Variants in UNC5C observed in about 807,000 individuals in gnomAD.
The protein encoded by UNC5C is unc-5 netrin receptor C.
A neutral mutation model predicts 99.8 loss-of-function variants in UNC5C; 47 were observed. The ratio of observed to expected loss-of-function variants is 0.47; its 90% CI spans 0.37 to 0.60. The LOEUF (loss-of-function observed/expected upper bound fraction) is 0.60. UNC5C is among the 20% of genes least tolerant of loss of function. The pLI is 0.00. For synonymous variants in UNC5C, 487 were observed against 452.2 expected (o/e 1.08, Z -0.98); for missense variants, 1,062 against 1,165.9 (o/e 0.91, Z 1.30).
chr4:95,473,962 T>C (rs1468820276), intron 1 of UNC5C, among the ~76,000 whole-genome samples: 4 of 152,110 alleles, frequency 2.6e-5, no homozygotes, highest in Non-Finnish European at 4.4e-5. Flanking sequence ...TAAGCTATAA[T>C]CACAAAACAT....
intron 1 of UNC5C, among the ~76,000 whole-genome samples, chr4:95,447,507 T>A (rs956556190): frequency 9.8e-5 from 15 of 152,332 alleles, no homozygotes; most frequent in South Asian, 4.1e-4. Flanking sequence ...TTATTTATTT[T>A]TTTATTTATT....
At chr4:95,221,813 AT>A (rs1360226845) in intron 7 of UNC5C, among the ~76,000 whole-genome samples, 1 of 152,200 alleles carries the variant, frequency 6.6e-6, no homozygotes, top group Admixed American at 6.5e-5. Flanking sequence ...TGGTCAGAAT[AT>A]TATATCTAAA....
intron 2 of UNC5C, among the ~76,000 whole-genome samples, chr4:95,324,565 G>A (rs960988644): frequency 1.3e-5 from 2 of 152,068 alleles, no homozygotes; most frequent in African/African-American, 2.4e-5. Context: ...AAAAGGTTGG[G>A]GACTGTTGTG....
chr4:95,220,655 C>T (rs1738437920), intron 7 of UNC5C, among the ~76,000 whole-genome samples: 3 of 152,128 alleles, frequency 2.0e-5, no homozygotes, highest in Admixed American at 6.5e-5. Flanking sequence ...AATGACTTTC[C>T]ATAGCACTCT....
chr4:95,456,048 C>T (rs1747416589), intron 1 of UNC5C, among the ~76,000 whole-genome samples: 1 of 151,956 alleles, frequency 6.6e-6, no homozygotes, highest in African/African-American at 2.4e-5. Context: ...CTGTGAGTGA[C>T]ATCTAGGGAC....
chr4:95,225,542 T>C (rs1342260860), intron 7 of UNC5C, among the ~76,000 whole-genome samples: 1 of 152,098 alleles, frequency 6.6e-6, no homozygotes, highest in Non-Finnish European at 1.5e-5. Flanking sequence ...ATAATATAAC[T>C]GATGAAGTGT....
intron 1 of UNC5C, among the ~76,000 whole-genome samples, chr4:95,338,626 C>G (rs983500286): frequency 6.6e-6 from 1 of 151,994 alleles, no homozygotes; most frequent in East Asian, 1.9e-4. Flanking sequence ...ATGCTTAACA[C>G]TAGAGATGAA....
intron 12 of UNC5C, among the ~76,000 whole-genome samples, chr4:95,198,075 C>T (rs989017875): frequency 1.3e-5 from 2 of 151,324 alleles, no homozygotes; most frequent in African/African-American, 4.9e-5. Context: ...GCAGCCTCCG[C>T]CTCCCAGGTT....
intron 4 of UNC5C, among the ~76,000 whole-genome samples, chr4:95,272,948 A>G (rs986918176): frequency 2.0e-5 from 3 of 152,266 alleles, no homozygotes; most frequent in African/African-American, 7.2e-5. Context: ...CAAAGTGTTC[A>G]GCAGCCATAT....
At chr4:95,494,657 T>G (rs1169224577) in intron 1 of UNC5C, among the ~76,000 whole-genome samples, 1 of 151,532 alleles carries the variant, frequency 6.6e-6, no homozygotes, top group Non-Finnish European at 1.5e-5. Context: ...AGAGGTCTTC[T>G]GTTTCTAAGA....
At chr4:95,406,950 T>A (rs147200986) in intron 1 of UNC5C, among the ~76,000 whole-genome samples, 1 of 152,338 alleles carries the variant, frequency 6.6e-6, no homozygotes, top group African/African-American at 2.4e-5. Flanking sequence ...GATGGCAAAC[T>A]TAACAGACAT....
At chr4:95,257,209 C>T (rs563119000) in intron 4 of UNC5C, among the ~76,000 whole-genome samples, 1 of 152,238 alleles carries the variant, frequency 6.6e-6, no homozygotes, top group East Asian at 1.9e-4. Context: ...TTACAACCAG[C>T]CTGGACAACA....
At chr4:95,507,254 T>C (rs1166793593) in intron 1 of UNC5C, among the ~76,000 whole-genome samples, 1 of 151,986 alleles carries the variant, frequency 6.6e-6, no homozygotes, top group Non-Finnish European at 1.5e-5. Context: ...GGAAAGTGTT[T>C]ATCTATTTAA....
chr4:95,406,283 T>C (rs1027912191), intron 1 of UNC5C, among the ~76,000 whole-genome samples: 1 of 152,208 alleles, frequency 6.6e-6, no homozygotes, highest in African/African-American at 2.4e-5. Context: ...CTGCTTCCCA[T>C]CTGTAGCAGT....
intron 1 of UNC5C, among the ~76,000 whole-genome samples, chr4:95,514,226 G>A (rs374877279): frequency 4.7e-4 from 71 of 152,132 alleles, no homozygotes; most frequent in African/African-American, 1.6e-3. Flanking sequence ...AGCTTGACTG[G>A]TTAAGGAATA....
At position 95,301,510 on chromosome 4, in the gene UNC5C, A is replaced by G. The variant is rs1741877006; in HGVS notation, c.490+96T>C. On this transcript the variant is annotated intron_variant, in intron 3 of 15. Coordinates refer to ENST00000453304, the MANE Select transcript of UNC5C (RefSeq NM_003728.4). Reference sequence around the variant, plus strand: ...GCGCCTGGCCTTTCCAGGATTTTTGACCAGTTTTCTTTGGTGCTGGAGTAG... The same window carrying G: ...GCGCCTGGCCTTTCCAGGATTTTTGGCCAGTTTTCTTTGGTGCTGGAGTAG... 23 of 1,544,608 alleles carry G rather than the reference A, an allele frequency of 1.5e-5. No individual in the cohort carries two copies. The Middle Eastern group carries it at 7.2e-4, about 48-fold the overall frequency.
chr4:95,274,656 T>A (rs906213565), intron 4 of UNC5C, among the ~76,000 whole-genome samples: 6 of 152,088 alleles, frequency 3.9e-5, no homozygotes, highest in Non-Finnish European at 5.9e-5. Context: ...CTAAATTTCC[T>A]CTTTGGGAGA....
intron 1 of UNC5C, among the ~76,000 whole-genome samples, chr4:95,534,211 G>C (rs1317307730): frequency 6.6e-6 from 1 of 152,150 alleles, no homozygotes; most frequent in South Asian, 2.1e-4. Context: ...CCTACTTAAA[G>C]TGTTTCCTGT....
At chr4:95,381,432 C>T (rs1745068784) in intron 1 of UNC5C, among the ~76,000 whole-genome samples, 1 of 152,116 alleles carries the variant, frequency 6.6e-6, no homozygotes. Flanking sequence ...GGCAACAACT[C>T]CTATTTGTGT....
Sources: gnomAD v4.1 joint callset for allele counts (sites outside exome capture counted in the v4.1 genomes callset) on GRCh38, gnomAD v4.1.1 for gene constraint, MANE v1.5 for transcripts, NCBI Gene and HGNC (gene_info 2026-07-23, HGNC 2026-07-21) for gene names.